XYLT1: variants seen among roughly 807,000 people sequenced by gnomAD.
XYLT1 encodes the protein xylosyltransferase 1, also known as beta-D-xylosyltransferase 1.
In XYLT1, 36 loss-of-function variants were observed where a neutral mutation model predicts 91.3. The ratio of observed to expected loss-of-function variants is 0.39; its 90% confidence interval spans 0.30 to 0.52. The LOEUF (loss-of-function observed/expected upper bound fraction) is 0.52, where lower values mean the gene tolerates loss of function less well. Ranked by LOEUF, XYLT1 falls within the 20% of genes least tolerant of loss-of-function variation. The probability of loss-of-function intolerance (pLI) is 0.68; values close to 1 mark genes in which losing one functional copy is unlikely to be tolerated. For synonymous variants in XYLT1, 588 were observed against 532.0 expected (o/e 1.11, Z -1.45); for missense variants, 1,242 against 1,284.5 (o/e 0.97, Z 0.51).
chr16:17,161,427 AC>A (rs2031548271), intron 5 of XYLT1, among the ~76,000 whole-genome samples: 1 of 149,626 alleles, frequency 6.7e-6, no homozygotes, highest in South Asian at 2.1e-4. Context: ...GGGCGGGGGG[AC>A]CCCTGCCTAC....
intron 1 of XYLT1, among the ~76,000 whole-genome samples, chr16:17,444,345 C>CT (rs932879842): frequency 6.6e-6 from 1 of 152,066 alleles, no homozygotes; most frequent in Non-Finnish European, 1.5e-5. Flanking sequence ...TTGTTCACTA[C>CT]TTTTTTTGTC....
chr16:17,452,731 G>C (rs757083986), intron 1 of XYLT1, among the ~76,000 whole-genome samples: 15 of 152,094 alleles, frequency 9.9e-5, no homozygotes, highest in Admixed American at 7.9e-4. Flanking sequence ...TTTTATGAAG[G>C]AAGCCTGGAA....
chr16:17,163,289 CTA>C (rs1212274153), intron 5 of XYLT1, among the ~76,000 whole-genome samples: 1 of 152,184 alleles, frequency 6.6e-6, no homozygotes, highest in Non-Finnish European at 1.5e-5. Flanking sequence ...TGTGTCTTAT[CTA>C]TATAACAGCT....
At chr16:17,311,479 C>G (rs2141821710) in intron 2 of XYLT1, among the ~76,000 whole-genome samples, 1 of 152,234 alleles carries the variant, frequency 6.6e-6, no homozygotes, top group South Asian at 2.1e-4. Context: ...GCGTTTCTTT[C>G]CATTTCCCAT....
intron 2 of XYLT1, among the ~76,000 whole-genome samples, chr16:17,264,502 C>T (rs1171781616): frequency 1.3e-5 from 2 of 152,190 alleles, no homozygotes; most frequent in Non-Finnish European, 2.9e-5. Flanking sequence ...ACTTCATGTT[C>T]CCCCTAACTC....
chr16:17,228,721 ACTGT>A (rs1343100975), intron 3 of XYLT1, among the ~76,000 whole-genome samples: 1 of 152,094 alleles, frequency 6.6e-6, no homozygotes, highest in Admixed American at 6.5e-5. Flanking sequence ...GTGTGTGACA[ACTGT>A]CTGTCTGGTG....
intron 1 of XYLT1, among the ~76,000 whole-genome samples, chr16:17,435,582 A>T (rs772017743): frequency 3.3e-5 from 5 of 152,120 alleles, no homozygotes; most frequent in Admixed American, 6.5e-5. Flanking sequence ...GTTGGGCCTC[A>T]GAGCTTGTGA....
At chr16:17,399,642 A>T (rs1455679860) in intron 1 of XYLT1, among the ~76,000 whole-genome samples, 5 of 152,182 alleles carry the variant, frequency 3.3e-5, no homozygotes, top group African/African-American at 1.2e-4. Flanking sequence ...CTCACAGCTG[A>T]AGTAATAACT....
intron 10 of XYLT1, among the ~76,000 whole-genome samples, chr16:17,119,915 G>A (rs2029986470): frequency 6.6e-6 from 1 of 152,124 alleles, no homozygotes; most frequent in Non-Finnish European, 1.5e-5. Flanking sequence ...TGCCTACCAG[G>A]GGTGGCTGCC....
intron 2 of XYLT1, among the ~76,000 whole-genome samples, chr16:17,276,077 G>C (rs886812085): frequency 6.6e-6 from 1 of 152,152 alleles, no homozygotes; most frequent in Non-Finnish European, 1.5e-5. Context: ...GAAAGAAATA[G>C]GCTCCTAATA....
At chr16:17,455,128 G>T (rs1430473514) in intron 1 of XYLT1, among the ~76,000 whole-genome samples, 1 of 152,062 alleles carries the variant, frequency 6.6e-6, no homozygotes, top group Non-Finnish European at 1.5e-5. Flanking sequence ...GTACCTGGTG[G>T]GGTTAGAAGT....
At chr16:17,352,446 T>C (rs4781992) in intron 2 of XYLT1, among the ~76,000 whole-genome samples, 74,255 of 152,090 alleles carry the variant, frequency 0.49, 20,169 homozygotes, top group African/African-American at 0.72. Flanking sequence ...TCTTTATTCA[T>C]CTTGACATTA....
intron 3 of XYLT1, among the ~76,000 whole-genome samples, chr16:17,238,619 T>C (rs921130643): frequency 2.0e-5 from 3 of 152,244 alleles, no homozygotes; most frequent in Non-Finnish European, 4.4e-5. Flanking sequence ...CTAAATTCCC[T>C]TTCATGGCCT....
At chr16:17,208,188 G>A (rs1420437182) in intron 3 of XYLT1, among the ~76,000 whole-genome samples, 1 of 146,298 alleles carries the variant, frequency 6.8e-6, no homozygotes, top group African/African-American at 2.6e-5. Flanking sequence ...GCCTTGCTAT[G>A]CTGTCCAGGC....
intron 3 of XYLT1, among the ~76,000 whole-genome samples, chr16:17,246,145 CT>C (rs2033432478): frequency 6.6e-6 from 1 of 152,214 alleles, no homozygotes. Context: ...GGCTCTGCTA[CT>C]GGTGAAATGT....
intron 1 of XYLT1, among the ~76,000 whole-genome samples, chr16:17,400,571 C>G (rs1432181914): frequency 7.8e-6 from 1 of 128,626 alleles, no homozygotes; most frequent in East Asian, 2.6e-4. Context: ...GCCTGGGTGA[C>G]AGAAAGAGAC....
Position 17,138,517 on chromosome 16 carries a change from C to T in XYLT1, c.1602G>A (p.Thr534=), listed in dbSNP as rs138560456. 2.2e-4 allele frequency: 355 copies of T among 1,613,168 alleles called. 2 individuals carry two copies. The highest frequency in any genetic ancestry group is 1.5e-3 in the South Asian group (133 of 91,026). Reference sequence around the variant, plus strand: ...CGCAGTGGGGGCTGTTCTCCAGGACCGTATGGAAGAAGGACTGCAGGGGAG... The same window carrying T: ...CGCAGTGGGGGCTGTTCTCCAGGACTGTATGGAAGAAGGACTGCAGGGGAG... ...TLLPAESFFH[T]VLENSPHCDT... is the part of the protein sequence containing the mutation. The change falls in exon 8 of 12, where the codon ACG becomes ACA. Residue 534 remains threonine, a synonymous_variant. Transcript: ENST00000261381.
chr16:17,299,880 T>A (rs2034368649), intron 2 of XYLT1, among the ~76,000 whole-genome samples: 1 of 152,196 alleles, frequency 6.6e-6, no homozygotes, highest in South Asian at 2.1e-4. Flanking sequence ...CAGGATAAGC[T>A]ATGATGCTGC....
chr16:17,359,413 C>G (rs2035350480), intron 1 of XYLT1, among the ~76,000 whole-genome samples: 1 of 152,212 alleles, frequency 6.6e-6, no homozygotes, highest in Admixed American at 6.5e-5. Context: ...GTCTTGATGA[C>G]TGTTCTACGG....
Sources: allele counts gnomAD v4.1 joint callset (sites outside exome capture counted in the v4.1 genomes callset), GRCh38; gene constraint gnomAD v4.1.1; transcripts MANE v1.5; gene names NCBI Gene and HGNC (gene_info 2026-07-23, HGNC 2026-07-21).